PTPRT: variants seen among roughly 807,000 people sequenced by gnomAD.
PTPRT encodes receptor-type tyrosine-protein phosphatase T.
Under a neutral mutation model 176.8 loss-of-function variants are expected in PTPRT, and 56 were observed. The ratio of observed to expected loss-of-function variants is 0.32; its 90% CI spans 0.26 to 0.40. The LOEUF (loss-of-function observed/expected upper bound fraction) is 0.40. Among genes scored for constraint, PTPRT ranks in the 10% least tolerant of loss-of-function variants. PTPRT has a pLI of 1.00. For missense variants in PTPRT, 1,540 were observed against 1,908.2 expected (o/e 0.81, Z 3.60); for synonymous variants, 783 against 739.0 (o/e 1.06, Z -0.96).
intron 16 of PTPRT, among the ~76,000 whole-genome samples, chr20:42,193,821 A>T (rs944410850): frequency 6.6e-6 from 1 of 152,190 alleles, no homozygotes; most frequent in Non-Finnish European, 1.5e-5. Flanking sequence ...ATTTCAATAT[A>T]TCCTGGTCCT....
intron 2 of PTPRT, among the ~76,000 whole-genome samples, chr20:42,879,420 G>T (rs1319968448): frequency 6.6e-6 from 1 of 152,110 alleles, no homozygotes; most frequent in Non-Finnish European, 1.5e-5. Flanking sequence ...CCCTATGTGT[G>T]TATGTATCTT....
At chr20:42,255,125 GC>G (rs1437744930) in intron 13 of PTPRT, among the ~76,000 whole-genome samples, 1 of 152,044 alleles carries the variant, frequency 6.6e-6, no homozygotes, top group Non-Finnish European at 1.5e-5. Flanking sequence ...GACTTCTTAT[GC>G]CCCTTTTGAT....
chr20:42,727,331 CA>C (rs1295748897), intron 6 of PTPRT, among the ~76,000 whole-genome samples: 1 of 152,204 alleles, frequency 6.6e-6, no homozygotes, highest in African/African-American at 2.4e-5. Flanking sequence ...TAAAATGGGT[CA>C]CTGTGAGGCC....
chr20:42,115,820 G>A (rs1341071661), intron 21 of PTPRT, among the ~76,000 whole-genome samples: 1 of 152,116 alleles, frequency 6.6e-6, no homozygotes, highest in Non-Finnish European at 1.5e-5. Flanking sequence ...AGAAGTGGTT[G>A]GGAGGGGGAC....
intron 1 of PTPRT, among the ~76,000 whole-genome samples, chr20:43,064,085 C>T (rs1418269394): frequency 6.6e-6 from 1 of 152,120 alleles, no homozygotes; most frequent in East Asian, 1.9e-4. Flanking sequence ...ATTCATCCTA[C>T]CCAATTTCCT....
chr20:42,540,702 G>A (rs2072563468), intron 7 of PTPRT, among the ~76,000 whole-genome samples: 1 of 147,762 alleles, frequency 6.8e-6, no homozygotes, highest in African/African-American at 2.7e-5. Context: ...CCATAAACAA[G>A]TCAAATATTA....
chr20:43,129,033 AGGTCCTGCATGAG>A (rs951670101), intron 1 of PTPRT, among the ~76,000 whole-genome samples: 1 of 152,236 alleles, frequency 6.6e-6, no homozygotes, highest in African/African-American at 2.4e-5. Flanking sequence ...AGCTCCTTGA[AGGTCCTGCATGAG>A]GGTCCTGCTT....
intron 7 of PTPRT, among the ~76,000 whole-genome samples, chr20:42,634,011 AATATATATATAATAT>A (rs2074509795): frequency 5.5e-5 from 1 of 18,200 alleles, no homozygotes; most frequent in African/African-American, 3.6e-4. Flanking sequence ...ATATATATAT[AATATATATATAATAT>A]ATATATTATA....
intron 27 of PTPRT, among the ~76,000 whole-genome samples, chr20:42,088,188 G>A (rs776605805): frequency 6.6e-6 from 1 of 152,166 alleles, no homozygotes; most frequent in Admixed American, 6.5e-5. Context: ...CCCTTCATCT[G>A]GGGGTTACCC....
intron 7 of PTPRT, among the ~76,000 whole-genome samples, chr20:42,492,134 A>T (rs1440032446): frequency 1.3e-5 from 2 of 152,162 alleles, no homozygotes; most frequent in Non-Finnish European, 1.5e-5. Flanking sequence ...ATTGTGAGTA[A>T]ATCTGCTATG....
At chr20:42,966,182 A>T (rs1420874013) in intron 1 of PTPRT, 1 of 152,214 alleles carries the variant, frequency 6.6e-6, no homozygotes, top group Non-Finnish European at 1.5e-5. Flanking sequence ...CTTTCGTCAA[A>T]TTGGCGTCCA....
chr20:42,610,308 A>C (rs2073952369), intron 7 of PTPRT, among the ~76,000 whole-genome samples: 1 of 152,024 alleles, frequency 6.6e-6, no homozygotes, highest in African/African-American at 2.4e-5. Flanking sequence ...ATGAAGGCTC[A>C]GTGTCTCTTT....
intron 7 of PTPRT, among the ~76,000 whole-genome samples, chr20:42,624,037 C>A (rs1372645012): frequency 1.6e-5 from 2 of 126,264 alleles, no homozygotes; most frequent in Admixed American, 7.4e-5. Flanking sequence ...AAAAAAAAAA[C>A]CCTGCTGAAC....
At chr20:42,377,170 A>G (rs577230095) in intron 9 of PTPRT, among the ~76,000 whole-genome samples, 147 of 152,328 alleles carry the variant, frequency 9.7e-4, no homozygotes, top group African/African-American at 3.3e-3. Context: ...GAACCTTTGC[A>G]GAAACATTCA....
intron 2 of PTPRT, among the ~76,000 whole-genome samples, chr20:42,834,383 C>T (rs1000456316): frequency 7.2e-5 from 11 of 152,150 alleles, no homozygotes; most frequent in African/African-American, 1.4e-4. Flanking sequence ...CAGGTGAGGA[C>T]GTGGAACAAA....
Position 42,772,718 on chromosome 20 carries a change from G to A in PTPRT, c.569-1168C>T, listed in dbSNP as rs117687017. Among the ~76,000 whole-genome samples the A allele has an allele frequency of 7.8e-3, 1,190 of 152,298 alleles. 16 individuals carry two copies. Among genetic ancestry groups the A allele is most frequent in the Middle Eastern group, 0.02 (6 of 294 alleles). On this transcript the variant is annotated intron_variant, in intron 4 of 30. Coordinates refer to ENST00000373187, the MANE Select transcript of PTPRT (RefSeq NM_007050.6). ...CAGAATGGAAACAAATGGAGGGTTAGGAGAGGATCAAGGAGGTTTAACAGG... is the reference window on the plus strand; with the variant it reads ...CAGAATGGAAACAAATGGAGGGTTAAGAGAGGATCAAGGAGGTTTAACAGG...
chr20:42,086,603 T>A (rs1403683652), intron 27 of PTPRT, among the ~76,000 whole-genome samples: 1 of 150,518 alleles, frequency 6.6e-6, no homozygotes, highest in Non-Finnish European at 1.5e-5. Context: ...ACCTTCATAG[T>A]GTTCATTCAT....
At chr20:42,259,422 C>T (rs1193125422) in intron 13 of PTPRT, among the ~76,000 whole-genome samples, 2 of 152,212 alleles carry the variant, frequency 1.3e-5, no homozygotes, top group African/African-American at 4.8e-5. Flanking sequence ...CCTTCTATGG[C>T]ATATCCTTTT....
chr20:42,790,922 T>A (rs1471538034), intron 3 of PTPRT, among the ~76,000 whole-genome samples: 2 of 152,188 alleles, frequency 1.3e-5, no homozygotes, highest in African/African-American at 2.4e-5. Flanking sequence ...TAAAAAGGAA[T>A]CAATGCCTAT....
Sources: allele counts gnomAD v4.1 joint callset (sites outside exome capture counted in the v4.1 genomes callset), GRCh38; gene constraint gnomAD v4.1.1; transcripts MANE v1.5; gene names NCBI Gene and HGNC (gene_info 2026-07-23, HGNC 2026-07-21).